Variants in SDK1 observed in about 807,000 individuals in gnomAD.
SDK1 encodes the protein sidekick cell adhesion molecule 1.
SDK1 carries 157 observed loss-of-function variants against 245.5 expected under a neutral mutation model. The observed-to-expected ratio is 0.64, with a 90% CI of 0.56 to 0.73. SDK1 has a LOEUF of 0.73. Among genes scored for constraint, SDK1 ranks in the 30% least tolerant of loss-of-function variants. SDK1 has a pLI of 0.00. For synonymous variants in SDK1, 1,647 were observed against 1,278.5 expected (o/e 1.29, Z -6.15); for missense variants, 3,583 against 3,002.3 (o/e 1.19, Z -4.52).
In SDK1 at chr7:3,967,324, C is replaced by A; in HGVS notation, c.1436C>A (p.Ala479Asp). The A allele has an allele frequency of 1.2e-6, 2 of 1,612,990 alleles. No homozygotes were observed. The highest frequency in any genetic ancestry group is 1.7e-6 in the Non-Finnish European group (2 of 1,178,920). The change falls in exon 10 of 45, where the codon GCT becomes GAT. Residue 479 changes from alanine (A) to aspartate (D), a missense_variant. By Grantham distance (126) the Ala-to-Asp change is moderately radical (BLOSUM62 -2). Transcript: ENST00000404826. ...THTYLDVTNI[A>D]PVFTQRPVDT... Reference sequence around the variant, plus strand: ...CATTTACTCCTCTTCTCAGATATCGCTCCAGTGTTCACCCAGCGGCCAGTG... The same window carrying A: ...CATTTACTCCTCTTCTCAGATATCGATCCAGTGTTCACCCAGCGGCCAGTG...
At chr7:4,230,372 GGATGGCTA>G (rs1382408765) in intron 40 of SDK1, among the ~76,000 whole-genome samples, 1 of 148,140 alleles carries the variant, frequency 6.8e-6, no homozygotes, top group Non-Finnish European at 1.5e-5. Flanking sequence ...ATAGATGGAT[GGATGGCTA>G]GAGGGAAGGG....
At chr7:3,447,154 T>C in intron 1 of SDK1, among the ~76,000 whole-genome samples, 1 of 152,202 alleles carries the variant, frequency 6.6e-6, no homozygotes, top group East Asian at 1.9e-4. Flanking sequence ...TTCAGTATTG[T>C]TTATATATGT....
intron 44 of SDK1, among the ~76,000 whole-genome samples, chr7:4,264,499 G>A (rs866564639): frequency 2.6e-3 from 336 of 129,146 alleles, no homozygotes; most frequent in South Asian, 0.018. Flanking sequence ...CTGAGTGAGG[G>A]AGGCCGCGTG....
At chr7:3,629,232 C>T (rs1252752076) in intron 2 of SDK1, among the ~76,000 whole-genome samples, 5 of 149,998 alleles carry the variant, frequency 3.3e-5, no homozygotes, top group African/African-American at 1.2e-4. Context: ...ACCCAGGAGG[C>T]AGAGCTTGCA....
At chr7:3,663,375 G>C (rs1783424169) in intron 4 of SDK1, among the ~76,000 whole-genome samples, 1 of 152,104 alleles carries the variant, frequency 6.6e-6, no homozygotes, top group South Asian at 2.1e-4. Context: ...GTTCCCTTCT[G>C]GTGTTTTTAA....
At chr7:4,183,904 C>T (rs1298355655) in intron 35 of SDK1, among the ~76,000 whole-genome samples, 1 of 152,226 alleles carries the variant, frequency 6.6e-6, no homozygotes, top group Non-Finnish European at 1.5e-5. Context: ...ACACCCAAAA[C>T]AACTCACACA....
chr7:3,809,785 G>A (rs1444557468), intron 4 of SDK1, among the ~76,000 whole-genome samples: 2 of 152,126 alleles, frequency 1.3e-5, no homozygotes, highest in African/African-American at 4.8e-5. Context: ...TCCTCTGCCT[G>A]GTGCGCCTTT....
chr7:3,527,480 G>C (rs1391251043), intron 1 of SDK1, among the ~76,000 whole-genome samples: 2 of 152,212 alleles, frequency 1.3e-5, no homozygotes, highest in Non-Finnish European at 2.9e-5. Flanking sequence ...AGCAAGTCAA[G>C]AGGCCCTGAG....
In SDK1 at chr7:4,161,783, C is replaced by T. The variant is rs1468969169; in HGVS notation, c.4730-3C>T. The T allele has an allele frequency of 1.2e-6, 2 of 1,612,216 alleles. No homozygotes were observed. On this transcript the variant is annotated splice_polypyrimidine_tract_variant and splice_region_variant and intron_variant, in intron 31 of 44. Transcript: ENST00000404826. ...CCCCGCTTTCCTCTCCTGTGTGTTT[C>T]AGTTCCAGGAGAGCCCCCGGGATCT...
chr7:4,154,283 T>C (rs1049673916), intron 30 of SDK1, among the ~76,000 whole-genome samples: 2 of 152,218 alleles, frequency 1.3e-5, no homozygotes, highest in African/African-American at 2.4e-5. Context: ...ATATCGGTTA[T>C]TGATTTGGGG....
At chr7:3,567,462 C>T (rs1299905946) in intron 1 of SDK1, among the ~76,000 whole-genome samples, 1 of 152,164 alleles carries the variant, frequency 6.6e-6, no homozygotes, top group African/African-American at 2.4e-5. Flanking sequence ...TTGTGTGCTA[C>T]TATGTGTCTT....
intron 4 of SDK1, among the ~76,000 whole-genome samples, chr7:3,712,672 A>T (rs143504398): frequency 6.6e-6 from 1 of 152,204 alleles, no homozygotes; most frequent in African/African-American, 2.4e-5. Flanking sequence ...CCTGAAGCGC[A>T]TGGCAGTGGG....
intron 1 of SDK1, among the ~76,000 whole-genome samples, chr7:3,471,073 A>G (rs1185824841): frequency 2.0e-5 from 3 of 152,170 alleles, no homozygotes; most frequent in African/African-American, 7.2e-5. Context: ...CTGTTTGAGG[A>G]CTATTGGTAT....
At chr7:4,094,508 C>A (rs1782016891) in intron 22 of SDK1, among the ~76,000 whole-genome samples, 1 of 152,140 alleles carries the variant, frequency 6.6e-6, no homozygotes, top group African/African-American at 2.4e-5. Flanking sequence ...GGCACAGGGG[C>A]CTCTGAGGAA....
chr7:3,738,373 T>G (rs1411653404), intron 4 of SDK1, among the ~76,000 whole-genome samples: 1 of 152,224 alleles, frequency 6.6e-6, no homozygotes, highest in African/African-American at 2.4e-5. Context: ...AGGGTTTATT[T>G]CTGGGCTTTC....
chr7:3,730,984 C>T (rs1779159275), intron 4 of SDK1, among the ~76,000 whole-genome samples: 1 of 152,192 alleles, frequency 6.6e-6, no homozygotes, highest in African/African-American at 2.4e-5. Flanking sequence ...TCTCAGTTCA[C>T]ATTTTCTAGC....
rs1788437116 is a variant in SDK1 at position 4,265,872 on chromosome 7, G to C, written c.*488G>C. The C allele has an allele frequency of 1.0e-6, 1 of 988,006 alleles. No individual in the cohort carries two copies. The highest frequency in any genetic ancestry group is 1.7e-5 in the African/African-American group (1 of 57,346). The allele number at this position is 988,006 out of a possible 1,614,324, so 61.2% of individuals were successfully genotyped here. A position where few individuals can be genotyped will look rare whatever the true frequency, so the allele number is the denominator to read the frequency against. On this transcript the variant is annotated 3_prime_UTR_variant, in exon 45 of 45. Transcript: ENST00000404826. ...ACATCCTCGGCGGCTCCTGGGGTTTGAAGAGCAAACGTTTTTCCCTGGGCT... is the reference window on the plus strand; with the variant it reads ...ACATCCTCGGCGGCTCCTGGGGTTTCAAGAGCAAACGTTTTTCCCTGGGCT...
chr7:3,462,853 C>A (rs949260940), intron 1 of SDK1, among the ~76,000 whole-genome samples: 1 of 152,178 alleles, frequency 6.6e-6, no homozygotes, highest in East Asian at 1.9e-4. Context: ...GGACTCATGA[C>A]ATCGTGCTTT....
chr7:3,701,157 G>C (rs572135168), intron 4 of SDK1, among the ~76,000 whole-genome samples: 1 of 152,330 alleles, frequency 6.6e-6, no homozygotes, highest in African/African-American at 2.4e-5. Context: ...TACAGTAGCA[G>C]TAAGCGTGGA....
Sources: gnomAD v4.1 joint callset for allele counts (sites outside exome capture counted in the v4.1 genomes callset) on GRCh38, gnomAD v4.1.1 for gene constraint, MANE v1.5 for transcripts, NCBI Gene and HGNC (gene_info 2026-07-23, HGNC 2026-07-21) for gene names.